Variants in FERMT2 observed in about 807,000 individuals in gnomAD.
The protein encoded by FERMT2 is FERM domain containing kindlin 2.
Under a neutral mutation model 82.7 loss-of-function variants are expected in FERMT2, and 15 were observed. That is an observed-to-expected ratio of 0.18 (90% CI 0.12 to 0.28). The LOEUF (loss-of-function observed/expected upper bound fraction) is 0.28, where lower values mean the gene tolerates loss of function less well. Ranked by LOEUF, FERMT2 falls within the 10% of genes least tolerant of loss-of-function variation. The probability of loss-of-function intolerance (pLI) is 1.00; values close to 1 mark genes in which losing one functional copy is unlikely to be tolerated. For synonymous variants in FERMT2, 274 were observed against 271.5 expected (o/e 1.01, Z -0.09); for missense variants, 645 against 809.4 (o/e 0.80, Z 2.46).
rs996218232 is a variant in FERMT2 at position 52,880,190 on chromosome 14, G to A, written c.855+846C>T. Among the ~76,000 whole-genome samples, 3 of 152,260 alleles carry A rather than the reference G, an allele frequency of 2.0e-5. No individual in the cohort carries two copies. In the East Asian group the frequency reaches 5.8e-4, roughly 29 times the overall value. ...GAGAATGGCTTGAGTCCAGGACTTT[G>A]AGGTTACAGTGAGCCATGATCATAC... On this transcript the variant is annotated intron_variant, in intron 6 of 14. Coordinates refer to ENST00000341590, the MANE Select transcript of FERMT2 (RefSeq NM_006832.3).
chr14:52,928,024 TCTTAC>T (rs1439692800), intron 2 of FERMT2: 1 of 388,036 alleles, frequency 2.6e-6, no homozygotes, highest in African/African-American at 2.1e-5. Flanking sequence ...ACTTACTTTT[TCTTAC>T]CTTAAGTAAC....
chr14:52,862,048 T>C (rs1034577192), intron 12 of FERMT2: 4 of 152,148 alleles, frequency 2.6e-5, no homozygotes, highest in Admixed American at 2.6e-4. Context: ...AATAACATCA[T>C]GGTCGCTATT....
intron 3 of FERMT2, among the ~76,000 whole-genome samples, chr14:52,899,861 A>G (rs368471421): frequency 6.6e-5 from 10 of 152,356 alleles, no homozygotes; most frequent in African/African-American, 2.2e-4. Flanking sequence ...AGAAATCTGT[A>G]TAAGATTTCT....
At chr14:52,883,151 T>TCAAACAAA (rs546675639) in intron 4 of FERMT2, among the ~76,000 whole-genome samples, 86 of 152,042 alleles carry the variant, frequency 5.7e-4, no homozygotes, top group African/African-American at 1.9e-3. Flanking sequence ...AGACTCTATC[T>TCAAACAAA]CAAACAAACA....
chr14:52,892,176 T>G (rs866767828), intron 4 of FERMT2, among the ~76,000 whole-genome samples: 1,852 of 149,062 alleles, frequency 0.012, 12 homozygotes, highest in Non-Finnish European at 0.018. Flanking sequence ...GTTTTTTTTT[T>G]TTTTTTTTTT....
chr14:52,930,944 C>T (rs975801949), intron 2 of FERMT2, among the ~76,000 whole-genome samples: 2 of 152,154 alleles, frequency 1.3e-5, no homozygotes, highest in Non-Finnish European at 1.5e-5. Flanking sequence ...CTCTTGACCC[C>T]TTTAGGTCTT....
intron 2 of FERMT2, among the ~76,000 whole-genome samples, chr14:52,919,579 G>A (rs1025379353): frequency 2.6e-5 from 4 of 152,198 alleles, no homozygotes; most frequent in Non-Finnish European, 5.9e-5. Context: ...GGGCAACTAA[G>A]AATGTTTGAG....
At chr14:52,865,275 C>T (rs1455322312) in intron 10 of FERMT2, among the ~76,000 whole-genome samples, 1 of 152,126 alleles carries the variant, frequency 6.6e-6, no homozygotes, top group Non-Finnish European at 1.5e-5. Context: ...GAGCTGAGAT[C>T]GCACCGTTGC....
At chr14:52,927,308 T>C (rs184755090) in intron 2 of FERMT2, among the ~76,000 whole-genome samples, 4 of 152,126 alleles carry the variant, frequency 2.6e-5, no homozygotes, top group Admixed American at 2.6e-4. Context: ...TCAAAGCTTT[T>C]TGCTAGAGAA....
intron 3 of FERMT2, among the ~76,000 whole-genome samples, chr14:52,900,443 C>T (rs1048312279): frequency 6.6e-6 from 1 of 152,000 alleles, no homozygotes; most frequent in Non-Finnish European, 1.5e-5. Flanking sequence ...GAAGATAAAG[C>T]GTTTCTGGTT....
chr14:52,883,043 C>T (rs913637389), intron 4 of FERMT2, among the ~76,000 whole-genome samples: 4 of 152,032 alleles, frequency 2.6e-5, no homozygotes, highest in African/African-American at 9.7e-5. Context: ...ACTAAAAACA[C>T]AAAAATTTGC....
chr14:52,937,344 G>A (rs1889891867), intron 2 of FERMT2, among the ~76,000 whole-genome samples: 1 of 151,992 alleles, frequency 6.6e-6, no homozygotes, highest in East Asian at 1.9e-4. Flanking sequence ...ACAGAATATC[G>A]TTTCACAGTT....
chr14:52,931,984 G>A (rs1041521396), intron 2 of FERMT2, among the ~76,000 whole-genome samples: 8 of 152,206 alleles, frequency 5.3e-5, no homozygotes, highest in East Asian at 3.8e-4. Flanking sequence ...AGCCCAGATC[G>A]TGCCACTGCA....
chr14:52,905,531 G>T (rs1182161589), intron 3 of FERMT2, among the ~76,000 whole-genome samples: 1 of 152,226 alleles, frequency 6.6e-6, no homozygotes, highest in Non-Finnish European at 1.5e-5. Context: ...AGGAAGAGGT[G>T]GTGGCGAATA....
At chr14:52,889,053 G>C in intron 4 of FERMT2, among the ~76,000 whole-genome samples, 1 of 152,130 alleles carries the variant, frequency 6.6e-6, no homozygotes, top group Non-Finnish European at 1.5e-5. Flanking sequence ...ATGAGCCTGG[G>C]CTTACAGCTC....
chr14:52,897,935 C>T (rs1352046940), intron 3 of FERMT2, among the ~76,000 whole-genome samples: 2 of 122,846 alleles, frequency 1.6e-5, no homozygotes, highest in Non-Finnish European at 3.2e-5. Flanking sequence ...AAGATCATGC[C>T]ATTGCACTCC....
At chr14:52,894,393 A>C (rs1037011206) in intron 3 of FERMT2, among the ~76,000 whole-genome samples, 1 of 152,230 alleles carries the variant, frequency 6.6e-6, no homozygotes, top group Non-Finnish European at 1.5e-5. Context: ...TCAAAATTCC[A>C]ATTTGCTTTT....
At chr14:52,885,851 T>C (rs1886570293) in intron 4 of FERMT2, among the ~76,000 whole-genome samples, 1 of 152,004 alleles carries the variant, frequency 6.6e-6, no homozygotes, top group South Asian at 2.1e-4. Context: ...TATGGTATTA[T>C]TTTTATATTT....
chr14:52,881,239 C>T lies in FERMT2; in HGVS notation c.752+5G>A. ...ATTCAATTTTATCTATATCTTAAAA[C>T]TTACCCTTGGTTGATTTTTGCTTTA... On this transcript the variant is annotated splice_donor_5th_base_variant and intron_variant, in intron 5 of 14. Transcript: ENST00000341590. 6.2e-7 allele frequency: 1 copy of T among 1,612,716 alleles called. No individual in the cohort carries two copies. The highest frequency in any genetic ancestry group is 8.5e-7 in the Non-Finnish European group (1 of 1,178,802).
Sources: allele counts gnomAD v4.1 joint callset (sites outside exome capture counted in the v4.1 genomes callset), GRCh38; gene constraint gnomAD v4.1.1; transcripts MANE v1.5; gene names NCBI Gene and HGNC (gene_info 2026-07-23, HGNC 2026-07-21).